Variants in DSCAM observed in about 807,000 individuals in gnomAD.
DSCAM encodes cell adhesion molecule DSCAM.
A neutral mutation model predicts 217.7 loss-of-function variants in DSCAM; 47 were observed. The observed-to-expected ratio is 0.22, with a 90% confidence interval of 0.17 to 0.28. The LOEUF is 0.28. Ranked by LOEUF, DSCAM falls within the 10% of genes least tolerant of loss-of-function variation. The pLI is 1.00. For missense variants in DSCAM, 2,080 were observed against 2,618.3 expected (o/e 0.79, Z 4.49); for synonymous variants, 1,056 against 1,015.3 (o/e 1.04, Z -0.76).
chr21:40,333,300 C>T (rs2074395639), intron 8 of DSCAM, among the ~76,000 whole-genome samples: 1 of 152,186 alleles, frequency 6.6e-6, no homozygotes, highest in African/African-American at 2.4e-5. Flanking sequence ...TGATAAACTA[C>T]AATCCTGACC....
intron 1 of DSCAM, among the ~76,000 whole-genome samples, chr21:40,778,280 C>T (rs986029573): frequency 6.6e-6 from 1 of 151,926 alleles, no homozygotes; most frequent in African/African-American, 2.4e-5. Context: ...AAAATAATAC[C>T]TAGTATCTGG....
At chr21:40,482,833 G>T (rs1479254897) in intron 3 of DSCAM, among the ~76,000 whole-genome samples, 1 of 152,130 alleles carries the variant, frequency 6.6e-6, no homozygotes, top group Non-Finnish European at 1.5e-5. Context: ...AAATAGAGAA[G>T]GTGGAATGAG....
chr21:40,249,022 C>T (rs1454226266), intron 11 of DSCAM, among the ~76,000 whole-genome samples: 1 of 152,190 alleles, frequency 6.6e-6, no homozygotes, highest in East Asian at 1.9e-4. Context: ...GAAAGACTGA[C>T]CCCCATGATT....
At chr21:40,585,858 GTTTGTT>G (rs1337053196) in intron 3 of DSCAM, among the ~76,000 whole-genome samples, 2 of 152,092 alleles carry the variant, frequency 1.3e-5, no homozygotes, top group Non-Finnish European at 2.9e-5. Flanking sequence ...TGCTCATTTT[GTTTGTT>G]TTTGTTTTTG....
chr21:40,039,516 C>T (rs934686117), intron 32 of DSCAM, among the ~76,000 whole-genome samples: 12 of 152,082 alleles, frequency 7.9e-5, no homozygotes, highest in Admixed American at 2.0e-4. Context: ...GTGCCAGACA[C>T]AGTCTGGCCA....
intron 27 of DSCAM, among the ~76,000 whole-genome samples, chr21:40,072,806 T>C (rs2089315359): frequency 6.6e-6 from 1 of 152,220 alleles, no homozygotes; most frequent in African/African-American, 2.4e-5. Flanking sequence ...ACTTACTTTC[T>C]TCCTACTGAA....
At chr21:40,306,918 C>G (rs1569054286) in intron 9 of DSCAM, among the ~76,000 whole-genome samples, 1 of 151,918 alleles carries the variant, frequency 6.6e-6, no homozygotes, top group Non-Finnish European at 1.5e-5. Context: ...TTGGTTGTGT[C>G]TCTGCCCAGC....
At chr21:40,481,872 A>G (rs1324921404) in intron 3 of DSCAM, among the ~76,000 whole-genome samples, 1 of 152,326 alleles carries the variant, frequency 6.6e-6, no homozygotes, top group East Asian at 1.9e-4. Flanking sequence ...TGAGGGACAG[A>G]GCAATTTATG....
At chr21:40,195,213 A>G (rs898398631) in intron 11 of DSCAM, among the ~76,000 whole-genome samples, 4 of 152,188 alleles carry the variant, frequency 2.6e-5, no homozygotes, top group African/African-American at 9.7e-5. Flanking sequence ...CTATCAATAA[A>G]TCACTGATAT....
intron 11 of DSCAM, among the ~76,000 whole-genome samples, chr21:40,207,350 G>A (rs2091136723): frequency 6.6e-6 from 1 of 152,152 alleles, no homozygotes; most frequent in South Asian, 2.1e-4. Flanking sequence ...TTTGGTAGGA[G>A]GTGGGGACTG....
chr21:40,067,117 T>G (rs1157591414), intron 27 of DSCAM, among the ~76,000 whole-genome samples: 1 of 152,186 alleles, frequency 6.6e-6, no homozygotes, highest in African/African-American at 2.4e-5. Flanking sequence ...TACCCTACAG[T>G]TGGGCAAAAC....
chr21:40,828,238 A>G lies in DSCAM; in HGVS notation c.43+18381T>C, dbSNP rs76692441. 3.0e-3 allele frequency among the ~76,000 whole-genome samples: 460 copies of G among 152,274 alleles called. 6 individuals are homozygous for G. The highest frequency in any genetic ancestry group is 0.011 in the African/African-American group (439 of 41,556). Reference sequence around the variant, plus strand: ...GGCAACATAGTGAGACCCTGTTTCTATAAAAATAAATAAATAAAAATAAAT... The same window carrying G: ...GGCAACATAGTGAGACCCTGTTTCTGTAAAAATAAATAAATAAAAATAAAT... On this transcript the variant is annotated intron_variant, in intron 1 of 32. Coordinates refer to ENST00000400454, the MANE Select transcript of DSCAM (RefSeq NM_001389.5).
chr21:40,263,750 A>T (rs968125192), intron 11 of DSCAM, among the ~76,000 whole-genome samples: 6 of 152,186 alleles, frequency 3.9e-5, no homozygotes, highest in African/African-American at 1.4e-4. Context: ...ATTATAAAAG[A>T]TCAATGAAAC....
chr21:40,180,855 C>G (rs79184757), intron 14 of DSCAM, among the ~76,000 whole-genome samples: 10,221 of 151,736 alleles, frequency 0.067, 1,107 homozygotes, highest in African/African-American at 0.23. Flanking sequence ...TATGGTGGAC[C>G]TGGGTAGGGT....
At chr21:40,766,136 C>A (rs565942852) in intron 1 of DSCAM, among the ~76,000 whole-genome samples, 1 of 151,990 alleles carries the variant, frequency 6.6e-6, no homozygotes, top group African/African-American at 2.4e-5. Flanking sequence ...CGTCAACTAG[C>A]AAAAGGGGTT....
intron 3 of DSCAM, among the ~76,000 whole-genome samples, chr21:40,423,497 C>T (rs879720625): frequency 5.3e-5 from 8 of 152,200 alleles, no homozygotes; most frequent in Non-Finnish European, 1.0e-4. Flanking sequence ...GGGTGCAAGA[C>T]ACCTGAAGTG....
chr21:40,090,560 T>A (rs750525796), intron 21 of DSCAM, among the ~76,000 whole-genome samples: 2 of 152,030 alleles, frequency 1.3e-5, no homozygotes, highest in African/African-American at 2.4e-5. Context: ...ACCTGACCAC[T>A]CCCTCCTTTT....
intron 1 of DSCAM, among the ~76,000 whole-genome samples, chr21:40,716,293 C>T (rs1010990316): frequency 6.6e-6 from 1 of 152,272 alleles, no homozygotes; most frequent in Non-Finnish European, 1.5e-5. Context: ...TAAATAATAG[C>T]ACTTCTTTTT....
At chr21:40,391,129 AG>A (rs1358185886) in intron 3 of DSCAM, among the ~76,000 whole-genome samples, 2 of 152,220 alleles carry the variant, frequency 1.3e-5, no homozygotes, top group Non-Finnish European at 2.9e-5. Flanking sequence ...CAATCCCTGA[AG>A]GTCCAACCAT....
Sources: allele counts gnomAD v4.1 joint callset (sites outside exome capture counted in the v4.1 genomes callset), GRCh38; gene constraint gnomAD v4.1.1; transcripts MANE v1.5; gene names NCBI Gene and HGNC (gene_info 2026-07-23, HGNC 2026-07-21).